Variants in FER1L6 observed in about 807,000 individuals in gnomAD.
The protein encoded by FER1L6 is fer-1-like protein 6.
A neutral mutation model predicts 219.2 loss-of-function variants in FER1L6; 177 were observed. The ratio of observed to expected loss-of-function variants is 0.81; its 90% CI spans 0.71 to 0.91. FER1L6 has a LOEUF of 0.91. Ranked by LOEUF, FER1L6 falls within the 40% of genes least tolerant of loss-of-function variation. The probability of loss-of-function intolerance (pLI) is 0.00; values close to 1 mark genes in which losing one functional copy is unlikely to be tolerated. For missense variants in FER1L6, 2,153 were observed against 2,259.9 expected, an observed-to-expected ratio of 0.95 and a Z score of 0.96; for synonymous variants, 768 against 824.3, an observed-to-expected ratio of 0.93 and a Z score of 1.17.
At chr8:124,035,548 C>T (rs1373274961) in intron 19 of FER1L6, 94 bp downstream of exon 19, 1 of 1,306,158 alleles carries the variant, frequency 7.7e-7, no homozygotes, top group Non-Finnish European at 1.0e-6. Flanking sequence ...GTTTTTTGCA[C>T]ATTATTTTAG....
At chr8:123,931,424 T>C (rs1319270257) in intron 1 of FER1L6, among the ~76,000 whole-genome samples, 1 of 152,184 alleles carries the variant, frequency 6.6e-6, no homozygotes, top group South Asian at 2.1e-4. Flanking sequence ...TTGGTTCCAT[T>C]GAAATTCACT....
chr8:124,021,441 A>T, intron 16 of FER1L6, 109 bp from the exon 17 acceptor site: 1 of 1,436,876 alleles, frequency 7.0e-7, no homozygotes, highest in African/African-American at 1.4e-5. Flanking sequence ...AGTCCACGTG[A>T]GTGACTCAGT....
Position 123,963,399 on chromosome 8 carries a change from G to A in FER1L6, c.197+1G>A. The A allele has an allele frequency of 6.2e-7, 1 of 1,613,914 alleles. No individual in the cohort carries two copies. Among genetic ancestry groups the A allele is most frequent in the Non-Finnish European group, 8.5e-7 (1 of 1,179,846 alleles). On this transcript the variant is annotated splice_donor_variant, in intron 3 of 40. Coordinates refer to ENST00000522917, the MANE Select transcript of FER1L6 (RefSeq NM_001039112.2). LOFTEE classifies it high-confidence loss of function. ...TCCCCTCAGCTTCTCCAAAGAGAAGGTACAGTATGGATGCAGGTGGTCAAC... is the reference window on the plus strand; with the variant it reads ...TCCCCTCAGCTTCTCCAAAGAGAAGATACAGTATGGATGCAGGTGGTCAAC...
intron 12 of FER1L6, among the ~76,000 whole-genome samples, chr8:123,999,720 T>G (rs1368527119): frequency 6.6e-6 from 1 of 152,126 alleles, no homozygotes; most frequent in Non-Finnish European, 1.5e-5. Flanking sequence ...GGCTAGGGCC[T>G]GAAATGTGGA....
At chr8:123,901,846 G>A (rs1415145759) in intron 1 of FER1L6, among the ~76,000 whole-genome samples, 4 of 151,762 alleles carry the variant, frequency 2.6e-5, no homozygotes, top group African/African-American at 9.7e-5. Flanking sequence ...AGCCTCCCAG[G>A]TAGCTGGGAC....
In FER1L6 at chr8:123,980,393, T is replaced by G. The variant is rs905798693; in HGVS notation, c.1064-72T>G. 3.8e-5 allele frequency: 47 copies of G among 1,235,414 alleles called. No homozygotes were observed. In the African/African-American group the frequency reaches 6.8e-4, roughly 18 times the overall value. 76.5% of individuals were successfully genotyped at this position (1,235,414 alleles called of 1,614,324 possible). A position where few individuals can be genotyped will look rare whatever the true frequency, so the allele number is the denominator to read the frequency against. The stretch of plus-strand genomic sequence containing the variant: ...TTCGTCTTTCTTGGATATTCTACAT[T>G]TTGAAATGAATGTGTGCAACTTTTA... On this transcript the variant is annotated intron_variant, in intron 10 of 40. Coordinates refer to ENST00000522917, the MANE Select transcript of FER1L6 (RefSeq NM_001039112.2).
At chr8:124,061,070 C>T (rs969911072) in intron 24 of FER1L6, among the ~76,000 whole-genome samples, 2 of 152,242 alleles carry the variant, frequency 1.3e-5, no homozygotes, top group Admixed American at 6.5e-5. Context: ...TCTGGTTTAA[C>T]GAGGTTTCCA....
At chr8:124,073,747 T>C (rs1356643704) in intron 31 of FER1L6, among the ~76,000 whole-genome samples, 3 of 152,192 alleles carry the variant, frequency 2.0e-5, no homozygotes, top group Admixed American at 6.5e-5. Context: ...AGATAAACAG[T>C]GCCATTGCTC....
chr8:124,029,778 A>G (rs1818878227), intron 18 of FER1L6, among the ~76,000 whole-genome samples: 1 of 152,082 alleles, frequency 6.6e-6, no homozygotes, highest in Non-Finnish European at 1.5e-5. Context: ...ATTAGATCTC[A>G]TTTGTCAATT....
At chr8:124,088,206 A>T (rs142749645) in intron 33 of FER1L6, among the ~76,000 whole-genome samples, 7 of 152,076 alleles carry the variant, frequency 4.6e-5, no homozygotes, top group African/African-American at 1.7e-4. Context: ...TTAGGAATCT[A>T]CCTGCTGCTC....
At chr8:123,903,734 C>T (rs925477255) in intron 1 of FER1L6, among the ~76,000 whole-genome samples, 17 of 152,020 alleles carry the variant, frequency 1.1e-4, no homozygotes, top group African/African-American at 2.2e-4. Flanking sequence ...CAATATGGAC[C>T]GTTTCATACT....
At chr8:123,982,971 A>G (rs981695736) in intron 11 of FER1L6, among the ~76,000 whole-genome samples, 2 of 152,232 alleles carry the variant, frequency 1.3e-5, no homozygotes, top group African/African-American at 2.4e-5. Context: ...ACACAATGAC[A>G]TATCTGCTAT....
chr8:123,869,072 G>A (rs564268368), intron 1 of FER1L6, among the ~76,000 whole-genome samples: 1 of 152,140 alleles, frequency 6.6e-6, no homozygotes, highest in East Asian at 1.9e-4. Context: ...TGAAGTAATA[G>A]GAAGGGATAT....
chr8:124,006,148 A>T (rs1430989931), intron 13 of FER1L6, among the ~76,000 whole-genome samples: 3 of 152,200 alleles, frequency 2.0e-5, no homozygotes, highest in Non-Finnish European at 4.4e-5. Flanking sequence ...TTCTGAGACT[A>T]CTCAGAGGTA....
At chr8:124,119,520 G>A (rs551701756) in intron 40 of FER1L6, 87 bp from the exon 41 acceptor site, 2 of 852,480 alleles carry the variant, frequency 2.3e-6, no homozygotes, top group East Asian at 2.4e-5. Context: ...CTCAGAAAGT[G>A]GGAGTCGGAA....
intron 39 of FER1L6, among the ~76,000 whole-genome samples, chr8:124,106,258 G>T (rs1203451401): frequency 7.6e-6 from 1 of 132,192 alleles, no homozygotes; most frequent in African/African-American, 2.8e-5. Context: ...GAACCCAGGA[G>T]GCGGAGCTTG....
chr8:124,004,997 CAAA>C (rs1358187234), intron 13 of FER1L6, among the ~76,000 whole-genome samples: 1 of 120,048 alleles, frequency 8.3e-6, no homozygotes, highest in Non-Finnish European at 1.8e-5. Context: ...GACTCTGTCT[CAAA>C]AAAAAAAAAA....
chr8:123,987,883 A>C (rs1176642364), intron 12 of FER1L6, among the ~76,000 whole-genome samples: 1 of 152,146 alleles, frequency 6.6e-6, no homozygotes, highest in Non-Finnish European at 1.5e-5. Context: ...AGGCTGAGGC[A>C]GGCGGATCAC....
chr8:124,058,793 C>T (rs893639964), intron 22 of FER1L6: 4 of 152,216 alleles, frequency 2.6e-5, no homozygotes, highest in Admixed American at 6.5e-5. Context: ...CTCACCTCAT[C>T]ACTGCCAGGC....
Sources: gnomAD v4.1 joint callset for allele counts (sites outside exome capture counted in the v4.1 genomes callset) on GRCh38, gnomAD v4.1.1 for gene constraint, MANE v1.5 for transcripts, NCBI Gene and HGNC (gene_info 2026-07-23, HGNC 2026-07-21) for gene names.